Variants in CTNND1 observed in about 807,000 individuals in gnomAD.
The protein encoded by CTNND1 is catenin delta 1, also known as catenin delta-1.
In CTNND1, 16 loss-of-function variants were observed where a neutral mutation model predicts 112.1. The observed-to-expected ratio is 0.14, with a 90% CI of 0.10 to 0.22. The LOEUF (loss-of-function observed/expected upper bound fraction) is 0.22. Among genes scored for constraint, CTNND1 ranks in the 10% least tolerant of loss-of-function variants. The pLI, the probability that CTNND1 is intolerant of heterozygous loss-of-function variation, is 1.00. For missense variants in CTNND1, 1,008 were observed against 1,257.0 expected (o/e 0.80, Z 3.00); for synonymous variants, 420 against 446.5 (o/e 0.94, Z 0.75).
At position 57,791,267 on chromosome 11, in the gene CTNND1, T is replaced by C. The variant is rs1208172379; in HGVS notation, c.-94-118T>C. The C allele has an allele frequency of 8.4e-6, 7 of 835,692 alleles. No individual in the cohort carries two copies. The African/African-American group carries it at 1.2e-4, about 15-fold the overall frequency. 51.8% of individuals were successfully genotyped at this position (835,692 alleles called of 1,614,324 possible). On this transcript the variant is annotated intron_variant, in intron 2 of 20. Transcript: ENST00000399050. Reference sequence around the variant, plus strand: ...ATGGGCTCCCAGGCTTGGCGGTGGCTTGCTTTCTGCACTGCAGTAAAACCA... The same window carrying C: ...ATGGGCTCCCAGGCTTGGCGGTGGCCTGCTTTCTGCACTGCAGTAAAACCA...
chr11:57,806,137 G>T, intron 10 of CTNND1, 102 bp downstream of exon 10: 1 of 1,409,666 alleles, frequency 7.1e-7, no homozygotes, highest in East Asian at 2.5e-5. Flanking sequence ...ATGGGAGTCT[G>T]CCTGGTTATG....
chr11:57,766,121 A>G (rs763737206), intron 1 of CTNND1, among the ~76,000 whole-genome samples: 5 of 152,156 alleles, frequency 3.3e-5, no homozygotes, highest in Non-Finnish European at 5.9e-5. Flanking sequence ...ATAATAATAA[A>G]TAAATAAATA....
chr11:57,767,835 T>C (rs1418685269), intron 1 of CTNND1, among the ~76,000 whole-genome samples: 2 of 139,234 alleles, frequency 1.4e-5, no homozygotes, highest in African/African-American at 2.5e-5. Context: ...CCCTTGAAGG[T>C]CTTTTTTTTT....
Position 57,762,031 on chromosome 11 carries a change from G to C in CTNND1, c.-302G>C. On this transcript the variant is annotated 5_prime_UTR_variant, in exon 1 of 21. Coordinates refer to ENST00000399050, the MANE Select transcript of CTNND1 (RefSeq NM_001085458.2). The stretch of plus-strand genomic sequence containing the variant: ...TTCTTTCTTAAAGGACTGATTTTTA[G>C]AACTCCACATTTGAGGTGTGTGGCT... 2 of 985,430 alleles carry C rather than the reference G, an allele frequency of 2.0e-6. No individual in the cohort carries two copies. Among genetic ancestry groups the C allele is most frequent in the Non-Finnish European group, 2.4e-6 (2 of 829,918 alleles). The allele number at this position is 985,430 out of a possible 1,614,324, so 61.0% of individuals were successfully genotyped here.
intron 9 of CTNND1, among the ~76,000 whole-genome samples, chr11:57,805,527 G>A (rs1429987632): frequency 7.0e-6 from 1 of 142,702 alleles, no homozygotes; most frequent in Admixed American, 7.6e-5. Context: ...ACAGGTGTGA[G>A]CCACTGTGCC....
At position 57,816,621 on chromosome 11, in the gene CTNND1, C is replaced by T. The variant is rs2064007671; in HGVS notation, c.*313C>T. Reference sequence around the variant, plus strand: ...GCCAGTTTTCCCTGGAACTCCTGGCCTTTTGTGGAGGGGAGGGATGGAGAG... The same window carrying T: ...GCCAGTTTTCCCTGGAACTCCTGGCTTTTTGTGGAGGGGAGGGATGGAGAG... On this transcript the variant is annotated 3_prime_UTR_variant, in exon 21 of 21. Transcript: ENST00000399050. 4 of 458,852 alleles carry T rather than the reference C, an allele frequency of 8.7e-6. No individual in the cohort carries two copies. The Admixed American group carries it at 1.1e-4, about 12-fold the overall frequency. The allele number at this position is 458,852 out of a possible 1,614,324, so 28.4% of individuals were successfully genotyped here. A position where few individuals can be genotyped will look rare whatever the true frequency, so the allele number is the denominator to read the frequency against.
intron 6 of CTNND1, among the ~76,000 whole-genome samples, 192 bp downstream of exon 6, chr11:57,797,184 A>C (rs1158317850): frequency 6.7e-6 from 1 of 148,242 alleles, no homozygotes; most frequent in Non-Finnish European, 1.5e-5. Context: ...TGCTATATAT[A>C]TATAATATAA....
chr11:57,773,457 T>G (rs528956044), intron 1 of CTNND1, among the ~76,000 whole-genome samples: 1 of 151,572 alleles, frequency 6.6e-6, no homozygotes, highest in Non-Finnish European at 1.5e-5. Context: ...ATTATGTTTT[T>G]TTTTTTTTTT....
At chr11:57,778,708 A>G (rs2059266461) in intron 1 of CTNND1, among the ~76,000 whole-genome samples, 1 of 152,264 alleles carries the variant, frequency 6.6e-6, no homozygotes, top group Admixed American at 6.5e-5. Context: ...CCCAGAATCC[A>G]GCACTTTGTA....
chr11:57,793,276 T>G (rs2060972067), intron 3 of CTNND1: 1 of 149,760 alleles, frequency 6.7e-6, no homozygotes, highest in Non-Finnish European at 1.5e-5. Context: ...ATAATGTCAT[T>G]AGATTATTTC....
chr11:57,764,618 TATTA>T (rs1950646912), intron 1 of CTNND1, among the ~76,000 whole-genome samples: 1 of 152,118 alleles, frequency 6.6e-6, no homozygotes, highest in Non-Finnish European at 1.5e-5. Flanking sequence ...TTGCATAAAC[TATTA>T]ATTTCCCACC....
chr11:57,816,493 T>C lies in CTNND1; in HGVS notation c.*185T>C. On this transcript the variant is annotated 3_prime_UTR_variant, in exon 21 of 21. Coordinates refer to ENST00000399050, the MANE Select transcript of CTNND1 (RefSeq NM_001085458.2). ...CCAACTTCTTCCTGTGAAGTTTAAT[T>C]GTCTCAACGCCTCCCCCTCCCCCAT... 1.5e-6 allele frequency: 1 copy of C among 661,906 alleles called. No individual in the cohort carries two copies. The highest frequency in any genetic ancestry group is 2.6e-6 in the Non-Finnish European group (1 of 378,316). The allele number at this position is 661,906 out of a possible 1,614,324, so 41.0% of individuals were successfully genotyped here.
intron 14 of CTNND1, 47 bp from the exon 15 acceptor site, chr11:57,809,227 A>G: frequency 6.9e-7 from 1 of 1,442,928 alleles, no homozygotes; most frequent in Non-Finnish European, 9.7e-7. Flanking sequence ...AAGGCTCTTC[A>G]TGACCTGACT....
At chr11:57,782,432 T>C (rs1442581685) in intron 1 of CTNND1, among the ~76,000 whole-genome samples, 2 of 152,220 alleles carry the variant, frequency 1.3e-5, no homozygotes, top group Admixed American at 6.5e-5. Context: ...AGTTCACTAA[T>C]TGGGGAGCCT....
intron 2 of CTNND1, among the ~76,000 whole-genome samples, chr11:57,791,133 A>G (rs903533204): frequency 1.3e-4 from 20 of 152,114 alleles, no homozygotes; most frequent in African/African-American, 4.3e-4. Context: ...CCCTCTCCTA[A>G]CAGTGTAGAG....
chr11:57,764,762 A>G (rs770619252), intron 1 of CTNND1, among the ~76,000 whole-genome samples: 1 of 152,156 alleles, frequency 6.6e-6, no homozygotes, highest in Non-Finnish European at 1.5e-5. Flanking sequence ...TACAAAGTCC[A>G]TGGACTTAAC....
intron 2 of CTNND1, 69 bp downstream of exon 2, chr11:57,789,224 T>C: frequency 8.9e-7 from 1 of 1,121,410 alleles, no homozygotes; most frequent in Non-Finnish European, 1.2e-6. Context: ...TTTTTATTCC[T>C]TTCATGTCAT....
In CTNND1 at chr11:57,790,200, G is replaced by C. The variant is rs574847842; in HGVS notation, c.-95+1045G>C. 2.0e-5 allele frequency among the ~76,000 whole-genome samples: 3 copies of C among 152,036 alleles called. No homozygotes were observed. The East Asian group carries it at 5.8e-4, about 29-fold the overall frequency. Reference sequence around the variant, plus strand: ...GGGTTCACGCAATTCTCATGCCTCGGCTGGGATTACAGGTGCCTACCACCA... The same window carrying C: ...GGGTTCACGCAATTCTCATGCCTCGCCTGGGATTACAGGTGCCTACCACCA... On this transcript the variant is annotated intron_variant, in intron 2 of 20. Coordinates refer to ENST00000399050, the MANE Select transcript of CTNND1 (RefSeq NM_001085458.2).
intron 10 of CTNND1, 89 bp downstream of exon 10, chr11:57,806,124 A>G: frequency 6.9e-7 from 1 of 1,452,580 alleles, no homozygotes; most frequent in Non-Finnish European, 9.2e-7. Flanking sequence ...ACTTGGCAAC[A>G]GTATGGGAGT....
Sources: gnomAD v4.1 joint callset for allele counts (sites outside exome capture counted in the v4.1 genomes callset) on GRCh38, gnomAD v4.1.1 for gene constraint, MANE v1.5 for transcripts, NCBI Gene and HGNC (gene_info 2026-07-23, HGNC 2026-07-21) for gene names.